Variants in UBE2E2 observed in about 807,000 individuals in gnomAD.
The protein encoded by UBE2E2 is ubiquitin-conjugating enzyme E2 E2.
In UBE2E2, 6 loss-of-function variants were observed where a neutral mutation model predicts 24.7. The observed-to-expected ratio is 0.24, with a 90% CI of 0.13 to 0.48. The LOEUF (loss-of-function observed/expected upper bound fraction) is 0.48, where lower values mean the gene tolerates loss of function less well. Ranked by LOEUF, UBE2E2 falls within the 20% of genes least tolerant of loss-of-function variation. The pLI is 0.99. For synonymous variants in UBE2E2, 104 were observed against 83.6 expected, an observed-to-expected ratio of 1.24 and a Z score of -1.33; for missense variants, 169 against 245.0, an observed-to-expected ratio of 0.69 and a Z score of 2.07.
At chr3:23,323,616 G>C (rs1465182294) in intron 3 of UBE2E2, 2 of 414,646 alleles carry the variant, frequency 4.8e-6, no homozygotes, top group Non-Finnish European at 9.6e-6. Flanking sequence ...TTCAAAATCT[G>C]AAAAAATAAA....
At chr3:23,259,038 A>G (rs748382789) in intron 3 of UBE2E2, among the ~76,000 whole-genome samples, 1 of 152,176 alleles carries the variant, frequency 6.6e-6, no homozygotes, top group Non-Finnish European at 1.5e-5. Context: ...TATTTCTTTA[A>G]GATAACCAAT....
chr3:23,425,194 G>A (rs1026412730), intron 3 of UBE2E2, among the ~76,000 whole-genome samples: 9 of 151,994 alleles, frequency 5.9e-5, no homozygotes, highest in Non-Finnish European at 1.3e-4. Flanking sequence ...ATTTCTTTTA[G>A]CATAACTATA....
At chr3:23,354,589 A>G (rs1362277491) in intron 3 of UBE2E2, among the ~76,000 whole-genome samples, 2 of 152,256 alleles carry the variant, frequency 1.3e-5, no homozygotes, top group South Asian at 2.1e-4. Context: ...GACACTTCTC[A>G]AAAGAAGACA....
chr3:23,368,942 T>A (rs561495970), intron 3 of UBE2E2, among the ~76,000 whole-genome samples: 82 of 152,346 alleles, frequency 5.4e-4, no homozygotes, highest in African/African-American at 1.9e-3. Flanking sequence ...ACAGTGTGTG[T>A]GTTTATATAA....
At chr3:23,388,589 C>CGAA (rs1185234125) in intron 3 of UBE2E2, among the ~76,000 whole-genome samples, 3 of 152,164 alleles carry the variant, frequency 2.0e-5, no homozygotes, top group Admixed American at 1.3e-4. Context: ...TGTTAATACT[C>CGAA]TAATGCTAAT....
chr3:23,293,130 A>G (rs892537927), intron 3 of UBE2E2, among the ~76,000 whole-genome samples: 2 of 152,230 alleles, frequency 1.3e-5, no homozygotes, highest in African/African-American at 4.8e-5. Flanking sequence ...ATTATTAAAT[A>G]TTTGGCACAG....
At chr3:23,580,185 A>G (rs945366168) in intron 5 of UBE2E2, among the ~76,000 whole-genome samples, 5 of 152,230 alleles carry the variant, frequency 3.3e-5, no homozygotes, top group Admixed American at 2.0e-4. Flanking sequence ...CAGTGGCAGG[A>G]TTTAAGAGGC....
chr3:23,258,900 G>GAAAAAAAAAAAAAAAAAAAAAAAAAAAA (rs11333992), intron 3 of UBE2E2, among the ~76,000 whole-genome samples: 1 of 78,904 alleles, frequency 1.3e-5, no homozygotes, highest in African/African-American at 4.4e-5. Flanking sequence ...CTCAAAAAAA[G>GAAAAAAAAAAAAAAAAAAAAAAAAAAAA]AAAAAAAAAA....
chr3:23,583,565 T>C lies in UBE2E2; in HGVS notation c.509-6169T>C, dbSNP rs1231879390. ...CTTCTTCCTTTCCATGAGCTTGGAA[T>C]GTTTTTCCATTTGTTTGTGTCACCT... On this transcript the variant is annotated intron_variant, in intron 5 of 5. Coordinates refer to ENST00000396703, the MANE Select transcript of UBE2E2 (RefSeq NM_152653.4). This position sits in a 1 kb window ranked among gnomAD's most constrained non-coding sequence, Gnocchi z 4.1. Among the ~76,000 whole-genome samples the C allele has an allele frequency of 6.6e-6, 1 of 152,226 alleles. No individual in the cohort carries two copies. The highest frequency in any genetic ancestry group is 1.5e-5 in the Non-Finnish European group (1 of 68,036).
chr3:23,456,243 C>T (rs1698677237), intron 3 of UBE2E2, among the ~76,000 whole-genome samples: 1 of 152,194 alleles, frequency 6.6e-6, no homozygotes, highest in South Asian at 2.1e-4. Context: ...CAGTTACTTC[C>T]TCCATTGAAA....
intron 3 of UBE2E2, among the ~76,000 whole-genome samples, chr3:23,434,398 C>A (rs1698137074): frequency 6.6e-6 from 1 of 152,006 alleles, no homozygotes; most frequent in African/African-American, 2.4e-5. Flanking sequence ...TTTGCATCCC[C>A]CAAATGACAC....
intron 3 of UBE2E2, among the ~76,000 whole-genome samples, chr3:23,388,993 C>T (rs549532385): frequency 7.0e-6 from 1 of 143,478 alleles, no homozygotes; most frequent in Non-Finnish European, 1.5e-5. Context: ...CAGAGCAAGA[C>T]TCCATTTCCA....
At chr3:23,417,570 G>T (rs1697672177) in intron 3 of UBE2E2, among the ~76,000 whole-genome samples, 1 of 152,230 alleles carries the variant, frequency 6.6e-6, no homozygotes, top group Admixed American at 6.5e-5. Context: ...TCCCTTAGCA[G>T]AGCTCGAGGG....
intron 2 of UBE2E2, among the ~76,000 whole-genome samples, chr3:23,216,377 A>G (rs1696476027): frequency 6.6e-6 from 1 of 152,154 alleles, no homozygotes. Flanking sequence ...TGGTTTTTAA[A>G]GATACTTTAA....
chr3:23,567,374 G>A (rs1358275496), intron 5 of UBE2E2, among the ~76,000 whole-genome samples: 1 of 152,188 alleles, frequency 6.6e-6, no homozygotes, highest in East Asian at 1.9e-4. Context: ...TTAAACAACA[G>A]TATGTTCGAG....
chr3:23,348,658 C>T lies in UBE2E2; in HGVS notation c.227+131346C>T, dbSNP rs577559550. On this transcript the variant is annotated intron_variant, in intron 3 of 5. Transcript: ENST00000396703. ...TATGGGGGACTGAGGTACATAGATT[C>T]AGAGTGGGTGAGGCTAGGGTAAGAA... Among the ~76,000 whole-genome samples, 5 of 152,224 alleles carry T rather than the reference C, an allele frequency of 3.3e-5. No individual in the cohort carries two copies. The South Asian group carries it at 1.0e-3, about 32-fold the overall frequency.
intron 3 of UBE2E2, among the ~76,000 whole-genome samples, chr3:23,398,495 A>T (rs1270928268): frequency 6.6e-6 from 1 of 152,168 alleles, no homozygotes; most frequent in African/African-American, 2.4e-5. Flanking sequence ...GGGAAATATC[A>T]TAGTGATAAC....
chr3:23,290,890 A>G (rs889185924), intron 3 of UBE2E2, among the ~76,000 whole-genome samples: 1 of 45,000 alleles, frequency 2.2e-5, no homozygotes, highest in Non-Finnish European at 4.8e-5. Flanking sequence ...CTGTGTGTCT[A>G]AAAAAAAAAA....
intron 3 of UBE2E2, among the ~76,000 whole-genome samples, chr3:23,348,096 C>T (rs544238637): frequency 2.1e-3 from 321 of 152,240 alleles, no homozygotes; most frequent in Non-Finnish European, 2.8e-3. Flanking sequence ...TCAATCATCG[C>T]AAGACGACAA....
Sources: gnomAD v4.1 joint callset for allele counts (sites outside exome capture counted in the v4.1 genomes callset) on GRCh38, gnomAD v4.1.1 for gene constraint, Gnocchi (gnomAD v3.1) non-coding constraint, MANE v1.5 for transcripts, NCBI Gene and HGNC (gene_info 2026-07-23, HGNC 2026-07-21) for gene names.